LHFPL7: variants seen among roughly 807,000 people sequenced by gnomAD.
LHFPL7 encodes LHFPL tetraspan subfamily member 7.
At chr22:24,939,609 G>A in the LHFPL7 span, 3 of 693,934 alleles carry the variant, frequency 4.3e-6, no homozygotes, top group African/African-American at 5.3e-5. Context: ...GAGAGAAAGG[G>A]GCTGGCCGAG....
chr22:24,944,967 G>A, the LHFPL7 span, among the ~76,000 whole-genome samples: 1 of 151,802 alleles, frequency 6.6e-6, no homozygotes, highest in Non-Finnish European at 1.5e-5. Flanking sequence ...GCACCACCAC[G>A]CCCAGCTAAT....
the LHFPL7 span, among the ~76,000 whole-genome samples, chr22:24,942,731 A>T: frequency 6.6e-6 from 1 of 152,144 alleles, no homozygotes. Flanking sequence ...AGTCTGGACT[A>T]GGGGCAGACA....
chr22:24,938,744 A>ACTAGG, the LHFPL7 span, among the ~76,000 whole-genome samples: 1,985 of 152,278 alleles, frequency 0.013, 42 homozygotes, highest in African/African-American at 0.045. Flanking sequence ...GAGGTGCTGG[A>ACTAGG]CTAGGAGTCC....
chr22:24,945,099 C>G, the LHFPL7 span, among the ~76,000 whole-genome samples: 1 of 152,062 alleles, frequency 6.6e-6, no homozygotes, highest in South Asian at 2.1e-4. Context: ...TGAGCCACCG[C>G]GCCTGGCCGC....
At chr22:24,940,986 T>G in the LHFPL7 span, among the ~76,000 whole-genome samples, 12 of 152,110 alleles carry the variant, frequency 7.9e-5, no homozygotes, top group African/African-American at 2.9e-4. Flanking sequence ...TTTTCTTTTC[T>G]GTGGAAACAA....
chr22:24,935,840 A>G, the LHFPL7 span, among the ~76,000 whole-genome samples: 3 of 151,850 alleles, frequency 2.0e-5, no homozygotes, highest in Middle Eastern at 3.4e-3. Context: ...TCTCTATCCT[A>G]TCTACATATC....
At chr22:24,946,047 C>CCT in the LHFPL7 span, among the ~76,000 whole-genome samples, 1 of 152,204 alleles carries the variant, frequency 6.6e-6, no homozygotes, top group Non-Finnish European at 1.5e-5. Flanking sequence ...TGGTGGCTCA[C>CCT]ACCTATAATC....
the LHFPL7 span, among the ~76,000 whole-genome samples, chr22:24,944,058 A>C: frequency 6.6e-6 from 1 of 152,324 alleles, no homozygotes; most frequent in Middle Eastern, 3.4e-3. Flanking sequence ...CAAAGAGCTT[A>C]GAGTTTTGCA....
At chr22:24,941,593 C>T in the LHFPL7 span, among the ~76,000 whole-genome samples, 1 of 127,940 alleles carries the variant, frequency 7.8e-6, no homozygotes, top group African/African-American at 2.9e-5. Context: ...TTTGATTTTG[C>T]GTATATTTGT....
the LHFPL7 span, among the ~76,000 whole-genome samples, chr22:24,938,501 CTG>C: frequency 2.0e-5 from 3 of 152,192 alleles, no homozygotes; most frequent in African/African-American, 7.2e-5. Flanking sequence ...TAAAAAGAAA[CTG>C]TCCAAGAAAA....
At chr22:24,940,084 C>T in the LHFPL7 span, among the ~76,000 whole-genome samples, 4 of 150,904 alleles carry the variant, frequency 2.7e-5, no homozygotes, top group South Asian at 6.3e-4. Context: ...CCCGCCACCG[C>T]GCCCGGCTAA....
the LHFPL7 span, chr22:24,938,298 GA>G: frequency 6.2e-7 from 1 of 1,611,872 alleles, no homozygotes; most frequent in Admixed American, 1.7e-5. Flanking sequence ...CTGCAGGGAA[GA>G]GACAGGAGGA....
chr22:24,935,433 G>T, the LHFPL7 span: 2 of 1,613,992 alleles, frequency 1.2e-6, no homozygotes, highest in Admixed American at 3.3e-5. Context: ...GCTGATGATG[G>T]GCAGGAGGCT....
the LHFPL7 span, among the ~76,000 whole-genome samples, chr22:24,944,472 AGGCCCTGAGGGGAGTGTGCCCTT>A: frequency 6.6e-6 from 1 of 152,158 alleles, no homozygotes; most frequent in Non-Finnish European, 1.5e-5. Context: ...GCAGGTGCAA[AGGCCCTGAGGGGAGTGTGCCCTT>A]GGCACATTTG....
the LHFPL7 span, among the ~76,000 whole-genome samples, chr22:24,941,422 A>G: frequency 3.5e-4 from 53 of 152,080 alleles, no homozygotes; most frequent in East Asian, 0.01. Context: ...TTTTGGACTG[A>G]AACACCATGG....
the LHFPL7 span, chr22:24,935,718 G>A: frequency 7.6e-7 from 1 of 1,311,120 alleles, no homozygotes; most frequent in South Asian, 1.5e-5. Context: ...TCATTCATTT[G>A]CTTATTTATT....
the LHFPL7 span, among the ~76,000 whole-genome samples, chr22:24,941,237 C>G: frequency 1.3e-5 from 2 of 151,376 alleles, no homozygotes; most frequent in East Asian, 3.9e-4. Context: ...GGTGCCATGT[C>G]GGCTCATTGC....
chr22:24,943,973 T>G, the LHFPL7 span, among the ~76,000 whole-genome samples: 2 of 152,204 alleles, frequency 1.3e-5, no homozygotes, highest in Non-Finnish European at 2.9e-5. Context: ...TCAACTTTAA[T>G]GTGCCCAGCT....
At chr22:24,939,395 A>G in the LHFPL7 span, 1 of 703,054 alleles carries the variant, frequency 1.4e-6, no homozygotes, top group Non-Finnish European at 2.6e-6. Context: ...TCTGGTTCCA[A>G]CTGTTGCCCT....
Sources: allele counts gnomAD v4.1 joint callset (sites outside exome capture counted in the v4.1 genomes callset), GRCh38; gene constraint gnomAD v4.1.1; transcripts MANE v1.5; gene names NCBI Gene and HGNC (gene_info 2026-07-23, HGNC 2026-07-21).